The following ARHGAP22 variants were observed in gnomAD, a reference collection of about 807,000 sequenced individuals.
ARHGAP22 encodes rho GTPase-activating protein 22.
A neutral mutation model predicts 59.1 loss-of-function variants in ARHGAP22; 48 were observed. The ratio of observed to expected loss-of-function variants is 0.81; its 90% CI spans 0.64 to 1.03. The LOEUF (loss-of-function observed/expected upper bound fraction) is 1.03. Among genes scored for constraint, ARHGAP22 ranks in the 50% least tolerant of loss-of-function variants. The pLI is 0.00. For synonymous variants in ARHGAP22, 445 were observed against 416.4 expected (o/e 1.07, Z -0.84); for missense variants, 1,015 against 958.7 (o/e 1.06, Z -0.78).
chr10:48,516,740 T>C (rs1293973164), intron 3 of ARHGAP22, among the ~76,000 whole-genome samples: 1 of 152,166 alleles, frequency 6.6e-6, no homozygotes, highest in African/African-American at 2.4e-5. Context: ...TAGTTCTCAA[T>C]TCTTCCTATG....
intron 3 of ARHGAP22, among the ~76,000 whole-genome samples, chr10:48,540,249 A>T (rs1025948444): frequency 2.6e-5 from 4 of 152,328 alleles, no homozygotes; most frequent in Non-Finnish European, 5.9e-5. Context: ...GGTAAGATAA[A>T]CTGAAAAAGC....
At chr10:48,511,880 G>A (rs1287151449) in intron 3 of ARHGAP22, among the ~76,000 whole-genome samples, 1 of 152,228 alleles carries the variant, frequency 6.6e-6, no homozygotes, top group Non-Finnish European at 1.5e-5. Flanking sequence ...CTGTGGGCTC[G>A]CAAGTGGATC....
At chr10:48,503,904 G>A (rs1261916410) in intron 3 of ARHGAP22, among the ~76,000 whole-genome samples, 1 of 152,234 alleles carries the variant, frequency 6.6e-6, no homozygotes, top group Non-Finnish European at 1.5e-5. Context: ...ATGAACCCCG[G>A]CTGGCCTGTG....
intron 2 of ARHGAP22, among the ~76,000 whole-genome samples, chr10:48,571,409 T>C (rs952048467): frequency 6.6e-6 from 1 of 152,212 alleles, no homozygotes; most frequent in Non-Finnish European, 1.5e-5. Flanking sequence ...GAGTTTGGAC[T>C]CCTCTCCATC....
intron 5 of ARHGAP22, among the ~76,000 whole-genome samples, chr10:48,459,051 G>A (rs1400259181): frequency 6.6e-6 from 1 of 152,206 alleles, no homozygotes; most frequent in Non-Finnish European, 1.5e-5. Context: ...CTGATGTAGA[G>A]AGAACTCTAT....
chr10:48,597,052 G>C (rs1391726022), intron 1 of ARHGAP22, among the ~76,000 whole-genome samples: 1 of 152,132 alleles, frequency 6.6e-6, no homozygotes, highest in Non-Finnish European at 1.5e-5. Context: ...TACTTCCTAA[G>C]GTATGAAGAC....
chr10:48,586,802 C>A (rs897703286), intron 1 of ARHGAP22, among the ~76,000 whole-genome samples: 1 of 152,200 alleles, frequency 6.6e-6, no homozygotes, highest in African/African-American at 2.4e-5. Flanking sequence ...GACGTCTGCT[C>A]GCTCCATTTG....
chr10:48,467,411 G>A (rs995174604), intron 4 of ARHGAP22, among the ~76,000 whole-genome samples: 5 of 151,886 alleles, frequency 3.3e-5, no homozygotes, highest in African/African-American at 9.7e-5. Flanking sequence ...GCAATGCAAC[G>A]CCAGTAGCAG....
At chr10:48,509,651 G>C (rs572518726) in intron 3 of ARHGAP22, among the ~76,000 whole-genome samples, 146 of 152,194 alleles carry the variant, frequency 9.6e-4, no homozygotes, top group African/African-American at 3.2e-3. Context: ...CCCCAGACTC[G>C]CTGGGCCCTC....
intron 1 of ARHGAP22, chr10:48,623,929 A>G (rs574121195): frequency 1.3e-5 from 2 of 152,328 alleles, no homozygotes; most frequent in Admixed American, 1.3e-4. Flanking sequence ...GCCGTGTGAA[A>G]CTAAATTCCT....
the ARHGAP22 span, among the ~76,000 whole-genome samples, chr10:48,431,694 A>G: frequency 2.6e-5 from 4 of 152,204 alleles, no homozygotes; most frequent in Non-Finnish European, 5.9e-5. Flanking sequence ...TGTTGAATGA[A>G]GGCAATAACA....
At chr10:48,647,623 G>T (rs1019581700) in intron 1 of ARHGAP22, among the ~76,000 whole-genome samples, 4 of 152,212 alleles carry the variant, frequency 2.6e-5, no homozygotes, top group Middle Eastern at 3.4e-3. Context: ...AATGTAAAAT[G>T]GTACAGAGAT....
chr10:48,451,018 C>T lies in ARHGAP22; in HGVS notation c.1111G>A (p.Gly371Ser). The stretch of plus-strand genomic sequence containing the variant: ...CTGTCCCTGGTGACCTCCTCGGAGC[C>T]CCACCCCACTGCGCATTGCAGGCCC... ...RGGLQCAVGWGSEEVTRDSQG... is the reference protein window; with the variant it reads ...RGGLQCAVGWSSEEVTRDSQG... Residue 371 changes from glycine (G) to serine (S), a missense_variant, in exon 9 of 10, where the codon GGC becomes AGC. Gly to Ser is a moderately conservative substitution (Grantham distance 56). Coordinates refer to ENST00000249601, the MANE Select transcript of ARHGAP22 (RefSeq NM_021226.4). 6.4e-7 allele frequency: 1 copy of T among 1,555,044 alleles called. No individual in the cohort carries two copies. Among genetic ancestry groups the T allele is most frequent in the Non-Finnish European group, 8.7e-7 (1 of 1,149,566 alleles).
the ARHGAP22 span, chr10:48,434,736 A>T: frequency 1.9e-6 from 1 of 518,054 alleles, no homozygotes. Flanking sequence ...TTTTTAAGTT[A>T]GTGTGTTGGA....
At chr10:48,452,881 G>A (rs1357543866) in intron 8 of ARHGAP22, among the ~76,000 whole-genome samples, 1 of 152,220 alleles carries the variant, frequency 6.6e-6, no homozygotes, top group Non-Finnish European at 1.5e-5. Context: ...ATCACTTATT[G>A]TTATTTATCA....
chr10:48,566,833 C>T (rs925267034), intron 2 of ARHGAP22, among the ~76,000 whole-genome samples: 1 of 152,220 alleles, frequency 6.6e-6, no homozygotes, highest in African/African-American at 2.4e-5. Flanking sequence ...CTGCACCCTC[C>T]CTATCCCTCC....
intron 3 of ARHGAP22, 78 bp downstream of exon 3, chr10:48,555,385 G>A (rs1162140551): frequency 6.9e-6 from 7 of 1,019,054 alleles, no homozygotes; most frequent in African/African-American, 3.4e-5. Flanking sequence ...GGAGTGTCAC[G>A]AAGGTCTGCC....
In ARHGAP22 at chr10:48,650,146, CTT is replaced by C. The variant is rs11386532; in HGVS notation, c.52+2086_52+2087del. On this transcript the variant is annotated intron_variant, in intron 1 of 9. Transcript: ENST00000435790. ...GCCCCCTCCCCCTGTGCTGGAGACTCTTTTTTTTTTTTTTTTTTTTTTCTGCA... is the reference window on the plus strand; with the variant it reads ...GCCCCCTCCCCCTGTGCTGGAGACTCTTTTTTTTTTTTTTTTTTTTCTGCA... Among the ~76,000 whole-genome samples, 222 of 82,066 alleles carry C rather than the reference CTT, an allele frequency of 2.7e-3. 1 individual carries two copies. The highest frequency in any genetic ancestry group is 0.021 in the Middle Eastern group (2 of 96). 53.8% of individuals were successfully genotyped at this position (82,066 alleles called of 152,430 possible).
intron 1 of ARHGAP22, among the ~76,000 whole-genome samples, chr10:48,594,333 C>T (rs2059939259): frequency 6.6e-6 from 1 of 152,220 alleles, no homozygotes; most frequent in Non-Finnish European, 1.5e-5. Flanking sequence ...TGCAGGTGAG[C>T]TGCTTGGGTG....
Sources: gnomAD v4.1 joint callset for allele counts (sites outside exome capture counted in the v4.1 genomes callset) on GRCh38, gnomAD v4.1.1 for gene constraint, MANE v1.5 for transcripts, NCBI Gene and HGNC (gene_info 2026-07-23, HGNC 2026-07-21) for gene names.